TSHZ2: variants seen among roughly 807,000 people sequenced by gnomAD.
TSHZ2 encodes teashirt zinc finger homeobox 2.
A neutral mutation model predicts 74.4 loss-of-function variants in TSHZ2; 21 were observed. The observed-to-expected ratio is 0.28, with a 90% CI of 0.20 to 0.41. TSHZ2 has a LOEUF of 0.41. Ranked by LOEUF, TSHZ2 falls within the 10% of genes least tolerant of loss-of-function variation. TSHZ2 has a pLI of 1.00. For synonymous variants in TSHZ2, 540 were observed against 515.3 expected, an observed-to-expected ratio of 1.05 and a Z score of -0.65; for missense variants, 1,244 against 1,293.5, an observed-to-expected ratio of 0.96 and a Z score of 0.59.
intron 2 of TSHZ2, among the ~76,000 whole-genome samples, chr20:53,394,585 A>C (rs1160988242): frequency 2.0e-5 from 3 of 152,070 alleles, no homozygotes; most frequent in African/African-American, 7.2e-5. Context: ...GGTTTAGGTC[A>C]AAAGGCAATT....
intron 1 of TSHZ2, among the ~76,000 whole-genome samples, chr20:53,248,685 G>A (rs770088136): frequency 6.6e-6 from 1 of 152,184 alleles, no homozygotes; most frequent in Non-Finnish European, 1.5e-5. Context: ...CACATTAAGA[G>A]CATAGATTCT....
At chr20:53,265,873 G>C (rs1000138832) in intron 2 of TSHZ2, among the ~76,000 whole-genome samples, 2 of 152,166 alleles carry the variant, frequency 1.3e-5, no homozygotes, top group African/African-American at 2.4e-5. Context: ...AGAGAAATGT[G>C]TTTTCCCTTC....
At chr20:53,415,984 A>T (rs1050304304) in intron 2 of TSHZ2, among the ~76,000 whole-genome samples, 3 of 152,230 alleles carry the variant, frequency 2.0e-5, no homozygotes, top group African/African-American at 7.2e-5. Context: ...CATCCTGGTG[A>T]ATCCGGTAAC....
At chr20:53,237,911 A>C (rs2123686882) in intron 1 of TSHZ2, among the ~76,000 whole-genome samples, 1 of 152,296 alleles carries the variant, frequency 6.6e-6, no homozygotes, top group South Asian at 2.1e-4. Context: ...CAGTCAAGTC[A>C]TTGGGGGATG....
At chr20:53,314,287 C>CAAAAAAAAAAAA (rs5841941) in intron 2 of TSHZ2, among the ~76,000 whole-genome samples, 5 of 131,746 alleles carry the variant, frequency 3.8e-5, no homozygotes, top group East Asian at 2.3e-4. Context: ...GACTCTGTCT[C>CAAAAAAAAAAAA]AAAAAAAAAA....
At chr20:53,028,364 C>T (rs557490151) in intron 1 of TSHZ2, among the ~76,000 whole-genome samples, 12 of 152,356 alleles carry the variant, frequency 7.9e-5, no homozygotes, top group Non-Finnish European at 1.6e-4. Flanking sequence ...TTTAAACCAT[C>T]TCCTTGTTTC....
At chr20:53,485,979 A>G (rs1986280746) in intron 2 of TSHZ2, among the ~76,000 whole-genome samples, 1 of 152,172 alleles carries the variant, frequency 6.6e-6, no homozygotes, top group Admixed American at 6.5e-5. Context: ...AACAATGTCC[A>G]TCTACAGAAT....
intron 2 of TSHZ2, among the ~76,000 whole-genome samples, chr20:53,469,068 T>TATATATATAC (rs1985666000): frequency 7.8e-6 from 1 of 128,310 alleles, no homozygotes; most frequent in African/African-American, 2.9e-5. Context: ...TATATATATA[T>TATATATATAC]ATATATATAT....
chr20:53,358,533 T>C (rs1980936500), intron 2 of TSHZ2, among the ~76,000 whole-genome samples: 1 of 151,824 alleles, frequency 6.6e-6, no homozygotes, highest in South Asian at 2.1e-4. Context: ...TTAGTAGAGA[T>C]GGGGTTTCAC....
chr20:53,024,385 A>G (rs1166172247), intron 1 of TSHZ2, among the ~76,000 whole-genome samples: 1 of 151,094 alleles, frequency 6.6e-6, no homozygotes, highest in Non-Finnish European at 1.5e-5. Context: ...GGCATACGTG[A>G]TAACAGGATA....
At chr20:52,990,321 C>G (rs1047228798) in intron 1 of TSHZ2, among the ~76,000 whole-genome samples, 3 of 152,132 alleles carry the variant, frequency 2.0e-5, no homozygotes, top group African/African-American at 7.2e-5. Context: ...AGATGTCTAC[C>G]CCTCTAACCA....
At chr20:53,280,012 A>G (rs1409481136) in intron 2 of TSHZ2, among the ~76,000 whole-genome samples, 1 of 152,196 alleles carries the variant, frequency 6.6e-6, no homozygotes, top group African/African-American at 2.4e-5. Flanking sequence ...GACAGACTCA[A>G]TTGTGCAGGC....
At chr20:53,161,130 C>CAAAAAAAAAAAAAAAAAAAAAAA (rs368626161) in intron 1 of TSHZ2, among the ~76,000 whole-genome samples, 2 of 67,976 alleles carry the variant, frequency 2.9e-5, no homozygotes, top group African/African-American at 6.1e-5. Flanking sequence ...TTATTTTCAG[C>CAAAAAAAAAAAAAAAAAAAAAAA]AAAAAAAAAA....
At chr20:53,304,424 G>A (rs1978435452) in intron 2 of TSHZ2, among the ~76,000 whole-genome samples, 1 of 151,850 alleles carries the variant, frequency 6.6e-6, no homozygotes, top group South Asian at 2.1e-4. Flanking sequence ...GTCCAGTCTT[G>A]GTCTAGGCTG....
At chr20:53,096,656 G>A (rs1356112350) in intron 1 of TSHZ2, among the ~76,000 whole-genome samples, 1 of 152,038 alleles carries the variant, frequency 6.6e-6, no homozygotes, top group Non-Finnish European at 1.5e-5. Flanking sequence ...GCCGAGGGGG[G>A]TGGATCACCT....
intron 1 of TSHZ2, among the ~76,000 whole-genome samples, chr20:53,125,503 GTATTACTAT>G (rs1363751930): frequency 1.3e-5 from 2 of 152,164 alleles, no homozygotes; most frequent in African/African-American, 4.8e-5. Context: ...GTTGCTCGCT[GTATTACTAT>G]TATTGAATAA....
In TSHZ2 at chr20:52,988,591, G is replaced by GAA. The variant is rs779291534; in HGVS notation, c.40+15271_40+15272dup. On this transcript the variant is annotated intron_variant, in intron 1 of 2. Coordinates refer to ENST00000371497, the MANE Select transcript of TSHZ2 (RefSeq NM_173485.6). ...GTTGAAGTAAGTCAATTGTGTTGTAGAAAAAAAAAAAAAAGATCATCCCTA... is the reference window on the plus strand; with the variant it reads ...GTTGAAGTAAGTCAATTGTGTTGTAGAAAAAAAAAAAAAAAAGATCATCCCTA... Among the ~76,000 whole-genome samples the GAA allele has an allele frequency of 1.9e-3, 209 of 111,632 alleles. 2 individuals are homozygous for GAA. Among genetic ancestry groups the GAA allele is most frequent in the African/African-American group, 6.4e-3 (193 of 30,288 alleles). The allele number at this position is 111,632 out of a possible 152,430, so 73.2% of individuals were successfully genotyped here. A position where few individuals can be genotyped will look rare whatever the true frequency, so the allele number is the denominator to read the frequency against.
At chr20:53,215,825 G>A (rs192145933) in intron 1 of TSHZ2, among the ~76,000 whole-genome samples, 12 of 148,234 alleles carry the variant, frequency 8.1e-5, no homozygotes, top group African/African-American at 1.5e-4. Flanking sequence ...CCGAGGTCGC[G>A]CCATTGCACT....
At chr20:53,365,353 G>A (rs1317701855) in intron 2 of TSHZ2, among the ~76,000 whole-genome samples, 1 of 152,128 alleles carries the variant, frequency 6.6e-6, no homozygotes, top group Non-Finnish European at 1.5e-5. Context: ...TGGGGGGGTC[G>A]GGGGAGGCTC....
Sources: gnomAD v4.1 joint callset for allele counts (sites outside exome capture counted in the v4.1 genomes callset) on GRCh38, gnomAD v4.1.1 for gene constraint, MANE v1.5 for transcripts, NCBI Gene and HGNC (gene_info 2026-07-23, HGNC 2026-07-21) for gene names.